SIK2: variants seen among roughly 807,000 people sequenced by gnomAD.
The protein encoded by SIK2 is serine/threonine-protein kinase SIK2.
SIK2 carries 29 observed loss-of-function variants against 103.2 expected under a neutral mutation model. The ratio of observed to expected loss-of-function variants is 0.28; its 90% CI spans 0.21 to 0.38. SIK2 has a LOEUF of 0.38. Among genes scored for constraint, SIK2 ranks in the 10% least tolerant of loss-of-function variants. SIK2 has a pLI of 1.00. For missense variants in SIK2, 879 were observed against 1,171.0 expected, an observed-to-expected ratio of 0.75 and a Z score of 3.64; for synonymous variants, 412 against 446.1, an observed-to-expected ratio of 0.92 and a Z score of 0.96.
intron 3 of SIK2, among the ~76,000 whole-genome samples, chr11:111,645,383 T>C (rs1272222855): frequency 6.6e-6 from 1 of 152,202 alleles, no homozygotes; most frequent in African/African-American, 2.4e-5. Context: ...CAAAAGCCAG[T>C]GTACTACACT....
chr11:111,644,735 T>G (rs1266240705), intron 3 of SIK2, among the ~76,000 whole-genome samples: 1 of 152,252 alleles, frequency 6.6e-6, no homozygotes, highest in Non-Finnish European at 1.5e-5. Context: ...ACTAACACAC[T>G]TAAAAGCTCT....
rs1330545430 is a variant in SIK2, at chr11:111,725,330, CAA to C, written c.*1202_*1203del. ...AAGTTTTGACTTGTAATGAAATGTTCAAGTATTACAGCAATATTCAAAGAAAG... is the reference window on the plus strand; with the variant it reads ...AAGTTTTGACTTGTAATGAAATGTTCGTATTACAGCAATATTCAAAGAAAG... On this transcript the variant is annotated 3_prime_UTR_variant, in exon 15 of 15. Transcript: ENST00000304987. 1 of 152,628 alleles carries C rather than the reference CAA, an allele frequency of 6.6e-6. No homozygotes were observed. The highest frequency in any genetic ancestry group is 1.5e-5 in the Non-Finnish European group (1 of 68,042). The allele number at this position is 152,628 out of a possible 1,614,324, so 9.5% of individuals were successfully genotyped here. A position where few individuals can be genotyped will look rare whatever the true frequency, so the allele number is the denominator to read the frequency against.
intron 2 of SIK2, among the ~76,000 whole-genome samples, chr11:111,617,145 C>A (rs1346522327): frequency 6.6e-6 from 1 of 151,618 alleles, no homozygotes; most frequent in Admixed American, 6.6e-5. Flanking sequence ...GGTTTTTTGT[C>A]ATTGTTTTTC....
chr11:111,675,975 C>G (rs1010310429), intron 3 of SIK2, among the ~76,000 whole-genome samples: 2 of 152,148 alleles, frequency 1.3e-5, no homozygotes, highest in African/African-American at 4.8e-5. Flanking sequence ...CAATGTTACT[C>G]AGTGTTTAGC....
At chr11:111,645,018 G>C (rs1942237211) in intron 3 of SIK2, among the ~76,000 whole-genome samples, 1 of 152,154 alleles carries the variant, frequency 6.6e-6, no homozygotes, top group Non-Finnish European at 1.5e-5. Context: ...GGACAAGTCA[G>C]GCCAACTCCC....
chr11:111,680,606 G>A (rs1166354414), intron 3 of SIK2, among the ~76,000 whole-genome samples: 1 of 152,116 alleles, frequency 6.6e-6, no homozygotes, highest in Non-Finnish European at 1.5e-5. Flanking sequence ...ATTTCTGACT[G>A]AAGAACATGA....
chr11:111,684,734 C>T (rs1344175619), intron 3 of SIK2, among the ~76,000 whole-genome samples: 1 of 152,210 alleles, frequency 6.6e-6, no homozygotes, highest in Non-Finnish European at 1.5e-5. Context: ...TAAACATAAT[C>T]TGTCTCTGTT....
rs145996999 is a variant in SIK2 at position 111,712,249 on chromosome 11, G to A, written c.1140G>A (p.Pro380=). The change falls in exon 9 of 15, where the codon CCG becomes CCA. Residue 380 remains proline, a synonymous_variant. Transcript: ENST00000304987. The part of the protein sequence containing the change: ...TVGLPVTMHS[P]NMRLLRSALL... Reference sequence around the variant, plus strand: ...GGCTCCCAGTGACCATGCATTCACCGAACATGAGGCTGCTGCGATCTGCCC... The same window carrying A: ...GGCTCCCAGTGACCATGCATTCACCAAACATGAGGCTGCTGCGATCTGCCC... 1,967 of 1,614,160 alleles carry A rather than the reference G, an allele frequency of 1.2e-3. 4 individuals are homozygous for A. Among genetic ancestry groups the A allele is most frequent in the Non-Finnish European group, 1.5e-3 (1,777 of 1,180,038 alleles).
intron 3 of SIK2, among the ~76,000 whole-genome samples, chr11:111,641,247 C>T (rs1467486812): frequency 6.6e-6 from 1 of 152,204 alleles, no homozygotes; most frequent in East Asian, 1.9e-4. Flanking sequence ...AGGCTTCAGG[C>T]CTCTAGGCAG....
intron 4 of SIK2, among the ~76,000 whole-genome samples, chr11:111,691,230 A>G (rs1382289967): frequency 6.6e-6 from 1 of 152,146 alleles, no homozygotes; most frequent in African/African-American, 2.4e-5. Context: ...GCTTTTTAGT[A>G]TCTAATCTTC....
At chr11:111,700,711 A>G (rs563154239) in intron 4 of SIK2, among the ~76,000 whole-genome samples, 175 bp from the exon 5 acceptor site, 1 of 152,296 alleles carries the variant, frequency 6.6e-6, no homozygotes, top group Admixed American at 6.5e-5. Flanking sequence ...CTTGAGTACT[A>G]TTTGCTAGTC....
chr11:111,696,871 C>T (rs895689079), intron 4 of SIK2, among the ~76,000 whole-genome samples: 6 of 152,172 alleles, frequency 3.9e-5, no homozygotes, highest in African/African-American at 1.2e-4. Flanking sequence ...ATAAATCCTG[C>T]ATTTTCACAT....
chr11:111,724,024 C>A lies in SIK2; in HGVS notation c.2676C>A (p.Pro892=). ...CPRSPGLQEA[P]SSYDPLALSE... is the part of the protein sequence containing the mutation. ...GAAGCCCAGGACTGCAAGAGGCCCC[C>A]TCCAGCTACGACCCACTAGCCCTCT... Residue 892 remains proline (P), a synonymous_variant, in exon 15 of 15, where the codon CCC becomes CCA. Transcript: ENST00000304987. 6.2e-7 allele frequency: 1 copy of A among 1,614,234 alleles called. No homozygotes were observed.
At chr11:111,610,077 CT>C (rs1280943429) in intron 1 of SIK2, among the ~76,000 whole-genome samples, 8 of 152,146 alleles carry the variant, frequency 5.3e-5, no homozygotes, top group Non-Finnish European at 1.2e-4. Flanking sequence ...CCAAAAGCTA[CT>C]TTTTTTGGCT....
intron 9 of SIK2, among the ~76,000 whole-genome samples, chr11:111,717,127 A>C (rs1481193193): frequency 1.3e-5 from 2 of 151,934 alleles, no homozygotes. Context: ...ATCCTGGCTA[A>C]CATGGTGAAA....
chr11:111,722,555 G>A lies in SIK2; in HGVS notation c.2056-110G>A. On this transcript the variant is annotated intron_variant, in intron 13 of 14. Coordinates refer to ENST00000304987, the MANE Select transcript of SIK2 (RefSeq NM_015191.3). The surrounding 1 kb of genome is among the most constrained non-coding windows in gnomAD (Gnocchi z 4.4). ...AAATGTCAGTCCCTTCACCCCGTGTGGATTCTGTAGAATGCAGTTAGATTC... is the reference window on the plus strand; with the variant it reads ...AAATGTCAGTCCCTTCACCCCGTGTAGATTCTGTAGAATGCAGTTAGATTC... The A allele has an allele frequency of 9.6e-7, 1 of 1,038,508 alleles. No individual in the cohort carries two copies. Among genetic ancestry groups the A allele is most frequent in the Non-Finnish European group, 1.4e-6 (1 of 697,908 alleles). The allele number at this position is 1,038,508 out of a possible 1,614,324, so 64.3% of individuals were successfully genotyped here.
intron 3 of SIK2, among the ~76,000 whole-genome samples, chr11:111,647,593 G>A (rs1222101522): frequency 2.7e-5 from 4 of 147,008 alleles, no homozygotes; most frequent in African/African-American, 1.0e-4. Flanking sequence ...GGCTGAACAC[G>A]GTGGCTCACA....
intron 3 of SIK2, among the ~76,000 whole-genome samples, chr11:111,621,667 A>T (rs1331254127): frequency 1.3e-5 from 2 of 152,154 alleles, no homozygotes; most frequent in East Asian, 3.8e-4. Flanking sequence ...TAATCCCAGC[A>T]CTTTTAGGAG....
intron 7 of SIK2, among the ~76,000 whole-genome samples, 156 bp from the exon 8 acceptor site, chr11:111,704,831 A>T (rs561848943): frequency 1.3e-5 from 2 of 152,214 alleles, no homozygotes; most frequent in South Asian, 2.1e-4. Context: ...TCTGCCTTCC[A>T]GTCACATTTT....
Sources: allele counts gnomAD v4.1 joint callset (sites outside exome capture counted in the v4.1 genomes callset), GRCh38; gene constraint gnomAD v4.1.1; non-coding constraint Gnocchi (gnomAD v3.1); transcripts MANE v1.5; gene names NCBI Gene and HGNC (gene_info 2026-07-23, HGNC 2026-07-21).